The following CCBE1 variants were observed in gnomAD, a reference collection of about 807,000 sequenced individuals.
The protein encoded by CCBE1 is collagen and calcium binding EGF domains 1.
In CCBE1, 37 loss-of-function variants were observed where a neutral mutation model predicts 50.0. The ratio of observed to expected loss-of-function variants is 0.74; its 90% confidence interval spans 0.57 to 0.97. The LOEUF is 0.97. CCBE1 is among the 50% of genes least tolerant of loss of function. CCBE1 has a pLI of 0.00. For synonymous variants in CCBE1, 234 were observed against 203.7 expected (o/e 1.15, Z -1.27); for missense variants, 538 against 523.8 (o/e 1.03, Z -0.26).
intron 2 of CCBE1, among the ~76,000 whole-genome samples, chr18:59,646,726 T>C (rs960081871): frequency 7.2e-5 from 11 of 152,308 alleles, no homozygotes; most frequent in African/African-American, 2.4e-4. Flanking sequence ...AGGTCTCATG[T>C]AGCAATGATT....
intron 2 of CCBE1, among the ~76,000 whole-genome samples, chr18:59,538,368 G>A (rs1915333935): frequency 6.6e-6 from 1 of 152,150 alleles, no homozygotes; most frequent in Admixed American, 6.5e-5. Flanking sequence ...GAACAGCTGA[G>A]CTCCATTAAA....
At chr18:59,446,796 T>C (rs1284253090) in intron 7 of CCBE1, among the ~76,000 whole-genome samples, 1 of 152,234 alleles carries the variant, frequency 6.6e-6, no homozygotes, top group Non-Finnish European at 1.5e-5. Context: ...TGCACTTACC[T>C]GGAGGGCATG....
chr18:59,502,463 A>AGGCTAT (rs5825343), intron 2 of CCBE1, among the ~76,000 whole-genome samples: 101,859 of 151,294 alleles, frequency 0.67, 35,108 homozygotes, highest in East Asian at 0.95. Flanking sequence ...AGGGAGGAAC[A>AGGCTAT]GGTATCCATT....
intron 2 of CCBE1, among the ~76,000 whole-genome samples, chr18:59,608,123 AAAT>A (rs952385808): frequency 3.2e-4 from 48 of 152,314 alleles, no homozygotes; most frequent in African/African-American, 1.0e-3. Context: ...CCGTCTCGAA[AAAT>A]AATAATAATA....
chr18:59,441,005 G>A (rs1373837860), intron 7 of CCBE1, among the ~76,000 whole-genome samples: 1 of 152,164 alleles, frequency 6.6e-6, no homozygotes, highest in South Asian at 2.1e-4. Context: ...TTCCATTGGA[G>A]GAATTATTTG....
intron 3 of CCBE1, among the ~76,000 whole-genome samples, chr18:59,478,048 T>C (rs1006920951): frequency 6.6e-6 from 1 of 152,100 alleles, no homozygotes; most frequent in African/African-American, 2.4e-5. Context: ...GTGGGCCTCA[T>C]CCAATCAGGT....
At chr18:59,518,358 G>T (rs541600846) in intron 2 of CCBE1, among the ~76,000 whole-genome samples, 1 of 152,118 alleles carries the variant, frequency 6.6e-6, no homozygotes, top group African/African-American at 2.4e-5. Flanking sequence ...GTGTGACGAC[G>T]CACGTGCCTG....
chr18:59,613,675 G>A (rs1046595473), intron 2 of CCBE1, among the ~76,000 whole-genome samples: 3 of 151,808 alleles, frequency 2.0e-5, no homozygotes, highest in African/African-American at 7.3e-5. Flanking sequence ...TGGGCAGGAG[G>A]ATCACTTGAG....
intron 5 of CCBE1, among the ~76,000 whole-genome samples, chr18:59,460,565 T>C (rs970171663): frequency 6.6e-6 from 1 of 152,212 alleles, no homozygotes; most frequent in African/African-American, 2.4e-5. Flanking sequence ...AATTCATCTT[T>C]TAGATATTTT....
At chr18:59,614,214 C>T (rs573884242) in intron 2 of CCBE1, among the ~76,000 whole-genome samples, 29 of 152,176 alleles carry the variant, frequency 1.9e-4, no homozygotes, top group Non-Finnish European at 3.1e-4. Context: ...CATGCCGGCC[C>T]GGCTCAAACT....
chr18:59,666,907 G>T (rs2144699992), intron 2 of CCBE1, among the ~76,000 whole-genome samples: 1 of 152,318 alleles, frequency 6.6e-6, no homozygotes, highest in South Asian at 2.1e-4. Context: ...GGAGGTTGCA[G>T]TGAGCAAAGA....
intron 2 of CCBE1, among the ~76,000 whole-genome samples, chr18:59,617,921 G>A (rs558792773): frequency 4.8e-4 from 73 of 152,278 alleles, no homozygotes; most frequent in Middle Eastern, 3.4e-3. Context: ...ATATCATGCA[G>A]AATTAATCAG....
chr18:59,621,625 G>T (rs1348732997), intron 2 of CCBE1, among the ~76,000 whole-genome samples: 1 of 152,096 alleles, frequency 6.6e-6, no homozygotes, highest in Non-Finnish European at 1.5e-5. Context: ...CATTTTACAG[G>T]CGAGCACAAA....
intron 2 of CCBE1, among the ~76,000 whole-genome samples, chr18:59,642,948 CAAAAAAAAAAAAA>C (rs10683687): frequency 2.1e-5 from 2 of 94,200 alleles, no homozygotes; most frequent in Non-Finnish European, 4.1e-5. Flanking sequence ...GACTCCACCT[CAAAAAAAAAAAAA>C]AAAAAAAAAT....
intron 2 of CCBE1, among the ~76,000 whole-genome samples, chr18:59,568,985 C>A (rs79412246): frequency 3.9e-5 from 6 of 152,254 alleles, no homozygotes; most frequent in African/African-American, 1.4e-4. Flanking sequence ...ACTACCTTCA[C>A]GGATGTCTCT....
At chr18:59,615,150 T>C (rs1463134972) in intron 2 of CCBE1, among the ~76,000 whole-genome samples, 1 of 152,216 alleles carries the variant, frequency 6.6e-6, no homozygotes, top group Non-Finnish European at 1.5e-5. Flanking sequence ...TGGCTGAGCC[T>C]CCTAGTCTCC....
intron 2 of CCBE1, among the ~76,000 whole-genome samples, chr18:59,655,884 C>T (rs1022460809): frequency 3.9e-5 from 6 of 152,188 alleles, no homozygotes; most frequent in Admixed American, 6.5e-5. Context: ...GTTAACATAC[C>T]ACCACTGGGA....
intron 2 of CCBE1, among the ~76,000 whole-genome samples, chr18:59,556,826 T>C (rs1425127795): frequency 6.6e-6 from 1 of 152,236 alleles, no homozygotes; most frequent in African/African-American, 2.4e-5. Context: ...AAGGTTAAAA[T>C]AGACAAAGCT....
intron 2 of CCBE1, among the ~76,000 whole-genome samples, chr18:59,559,406 T>C (rs1471238231): frequency 6.6e-6 from 1 of 152,206 alleles, no homozygotes; most frequent in Non-Finnish European, 1.5e-5. Context: ...AGAGGCCCCC[T>C]ACTGTGGTGG....
Sources: allele counts gnomAD v4.1 joint callset (sites outside exome capture counted in the v4.1 genomes callset), GRCh38; gene constraint gnomAD v4.1.1; transcripts MANE v1.5; gene names NCBI Gene and HGNC (gene_info 2026-07-23, HGNC 2026-07-21).